The following UPF1 variants were observed in gnomAD, a reference collection of about 807,000 sequenced individuals.
UPF1 encodes the protein regulator of nonsense transcripts 1.
A neutral mutation model predicts 129.2 loss-of-function variants in UPF1; 9 were observed. That is an observed-to-expected ratio of 0.07 (90% confidence interval 0.04 to 0.12). The LOEUF is 0.12. UPF1 is among the 10% of genes least tolerant of loss of function. UPF1 has a pLI of 1.00. For synonymous variants in UPF1, 649 were observed against 644.9 expected (o/e 1.01, Z -0.10); for missense variants, 788 against 1,525.3 (o/e 0.52, Z 8.05).
rs2055663113 is a variant in UPF1, at chr19:18,851,951, T to C, written c.811-184T>C. 6.6e-6 allele frequency among the ~76,000 whole-genome samples: 1 copy of C among 152,190 alleles called. No homozygotes were observed. Among genetic ancestry groups the C allele is most frequent in the Admixed American group, 6.5e-5 (1 of 15,286 alleles). On this transcript the variant is annotated intron_variant, in intron 5 of 23. Coordinates refer to ENST00000262803, the MANE Select transcript of UPF1 (RefSeq NM_002911.4). This position sits in a 1 kb window ranked among gnomAD's most constrained non-coding sequence, Gnocchi z 4.2. ...CCGGTGTGCAGCTCCCTGTGTGGCATGGAGTTCCCGTTCCCAGGGTTCTCC... is the reference window on the plus strand; with the variant it reads ...CCGGTGTGCAGCTCCCTGTGTGGCACGGAGTTCCCGTTCCCAGGGTTCTCC...
At position 18,867,219 on chromosome 19, in the gene UPF1, G is replaced by C. The variant is rs575481607; in HGVS notation, c.*702G>C. ...CTACTGGAGAAGAGGAGCAACACCT[G>C]TGCCGCGGCCGGAGGAGTTTTGTTG... On this transcript the variant is annotated 3_prime_UTR_variant, in exon 24 of 24. Coordinates refer to ENST00000262803, the MANE Select transcript of UPF1 (RefSeq NM_002911.4). The C allele has an allele frequency of 2.0e-5, 3 of 152,480 alleles. No homozygotes were observed. In the East Asian group the frequency reaches 5.8e-4, roughly 29 times the overall value. The allele number at this position is 152,480 out of a possible 1,614,324, so 9.4% of individuals were successfully genotyped here.
Position 18,862,000 on chromosome 19 carries a change from T to C in UPF1, c.2458-10T>C, listed in dbSNP as rs760721477. 3 of 1,613,460 alleles carry C rather than the reference T, an allele frequency of 1.9e-6. No individual in the cohort carries two copies. Among genetic ancestry groups the C allele is most frequent in the Non-Finnish European group, 2.5e-6 (3 of 1,179,896 alleles). On this transcript the variant is annotated splice_polypyrimidine_tract_variant and intron_variant, in intron 17 of 23. Coordinates refer to ENST00000262803, the MANE Select transcript of UPF1 (RefSeq NM_002911.4). ...TGCTGGCTGATAGTGACCACAAAGC[T>C]CCCTTCCAGGAGGTGGAGATCGCCA...
chr19:18,847,610 T>C, intron 2 of UPF1, 134 bp from the exon 3 acceptor site: 1 of 763,974 alleles, frequency 1.3e-6, no homozygotes, highest in Non-Finnish European at 2.2e-6. Flanking sequence ...ATTTGGTTAC[T>C]GGGATTGTTG....
chr19:18,849,487 G>C (rs10414336), intron 3 of UPF1: 2 of 157,382 alleles, frequency 1.3e-5, no homozygotes, highest in African/African-American at 4.8e-5. Flanking sequence ...GGAAGGAGCC[G>C]AGCCAGCCAG....
intron 6 of UPF1, 79 bp from the exon 7 acceptor site, chr19:18,852,908 A>G (rs2055676145): frequency 1.6e-6 from 2 of 1,226,084 alleles, no homozygotes; most frequent in Non-Finnish European, 1.2e-6. Context: ...GGCCCGCCTC[A>G]TGGGGCCTCG....
At chr19:18,837,415 T>C (rs998222623) in intron 1 of UPF1, among the ~76,000 whole-genome samples, 5 of 152,210 alleles carry the variant, frequency 3.3e-5, no homozygotes, top group Admixed American at 1.3e-4. Flanking sequence ...TCTCATGCCA[T>C]ACACCTACCT....
chr19:18,832,045 ACT>A lies in UPF1; in HGVS notation c.-164_-163del. 1 of 530,028 alleles carries A rather than the reference ACT, an allele frequency of 1.9e-6. No homozygotes were observed. Among genetic ancestry groups the A allele is most frequent in the Non-Finnish European group, 2.8e-6 (1 of 352,498 alleles). The allele number at this position is 530,028 out of a possible 1,614,324, so 32.8% of individuals were successfully genotyped here. The stretch of plus-strand genomic sequence containing the variant: ...TCGGCGGCAGCGGCGGCGGCTCGGC[ACT>A]GTTACCTCTCGGTCCGGCTGGCGCC... On this transcript the variant is annotated 5_prime_UTR_variant, in exon 1 of 24. Transcript: ENST00000262803. The surrounding 1 kb of genome is among the most constrained non-coding windows in gnomAD (Gnocchi z 5.6).
chr19:18,855,585 C>T lies in UPF1; in HGVS notation c.1545-340C>T, dbSNP rs74476763. The T allele has an allele frequency of 6.5e-4, 325 of 499,686 alleles. 5 individuals carry two copies. The East Asian group carries it at 0.012, about 18-fold the overall frequency. 31.0% of individuals were successfully genotyped at this position (499,686 alleles called of 1,614,324 possible). ...GGTGGGTAGAGCTGTGAAGCCTGGG[C>T]TGTCTGGATCTGAGCTCCTTCGGCA... On this transcript the variant is annotated intron_variant, in intron 11 of 23. Coordinates refer to ENST00000262803, the MANE Select transcript of UPF1 (RefSeq NM_002911.4).
At chr19:18,859,180 G>C (rs2055750086) in intron 15 of UPF1, among the ~76,000 whole-genome samples, 1 of 152,212 alleles carries the variant, frequency 6.6e-6, no homozygotes, top group Non-Finnish European at 1.5e-5. Context: ...AGCACTGGCT[G>C]GGAAAGGCGT....
chr19:18,853,368 A>G lies in UPF1; in HGVS notation c.1156+18A>G, dbSNP rs1353168737. ...CCCTGATAGTATCCTTCATGTGAAG[A>G]GGGTGTGGCCGGCTGGTGGGAGAGG... On this transcript the variant is annotated intron_variant, in intron 8 of 23. Coordinates refer to ENST00000262803, the MANE Select transcript of UPF1 (RefSeq NM_002911.4). This position sits in a 1 kb window ranked among gnomAD's most constrained non-coding sequence, Gnocchi z 4.4. The G allele has an allele frequency of 5.1e-6, 8 of 1,583,950 alleles. No individual in the cohort carries two copies. The South Asian group carries it at 9.2e-5, about 18-fold the overall frequency.
intron 1 of UPF1, among the ~76,000 whole-genome samples, chr19:18,840,343 G>A (rs1284853030): frequency 2.0e-5 from 3 of 152,328 alleles, no homozygotes; most frequent in Non-Finnish European, 2.9e-5. Context: ...AGCAGCTCCA[G>A]CTCCTGCCTG....
Position 18,850,008 on chromosome 19 carries a change from C to A in UPF1, c.462-67C>A. The A allele has an allele frequency of 6.3e-7, 1 of 1,594,954 alleles. No homozygotes were observed. Among genetic ancestry groups the A allele is most frequent in the Non-Finnish European group, 8.6e-7 (1 of 1,166,342 alleles). On this transcript the variant is annotated intron_variant, in intron 3 of 23. Coordinates refer to ENST00000262803, the MANE Select transcript of UPF1 (RefSeq NM_002911.4). This position sits in a 1 kb window ranked among gnomAD's most constrained non-coding sequence, Gnocchi z 7.1. ...ACGGTACCGGAACTTTTAACAGGGG[C>A]CCGAAAATTGGAAGTGGTGAAAAGC...
chr19:18,836,749 A>ATTT (rs755282469), intron 1 of UPF1, among the ~76,000 whole-genome samples: 9 of 129,476 alleles, frequency 7.0e-5, no homozygotes, highest in Non-Finnish European at 5.0e-5. Flanking sequence ...CTATCCACCC[A>ATTT]TTTTTTTTTT....
rs777736313 is a variant in UPF1, at chr19:18,855,241, G to A, written c.1543G>A (p.Gly515Arg). ...CTACCACCTGGCCCGGCAAGGCAAC[G>A]GGTAGGGCTGACACGGCCCTTGCGG... ...IVYHLARQGN[G>R]PVLVCAPSNI... is the part of the protein sequence containing the mutation. The change falls in exon 11 of 24, where the codon GGG becomes AGG. Residue 515 changes from glycine (G) to arginine (R), a missense_variant and splice_region_variant. Transcript: ENST00000262803. The A allele has an allele frequency of 5.6e-6, 9 of 1,609,930 alleles. No homozygotes were observed. The highest frequency in any genetic ancestry group is 1.3e-5 in the African/African-American group (1 of 74,946).
At chr19:18,835,668 AAT>A (rs1465713763) in intron 1 of UPF1, among the ~76,000 whole-genome samples, 1 of 152,212 alleles carries the variant, frequency 6.6e-6, no homozygotes, top group Non-Finnish European at 1.5e-5. Flanking sequence ...AAGGCTGAGT[AAT>A]ATTCCATGGG....
chr19:18,867,173 AAC>A lies in UPF1; in HGVS notation c.*658_*659del. ...CTGGGAGATTTGAGAAGCTTCCAGA[AAC>A]AGTTTAAACAAGCCAGCGCTACTGG... On this transcript the variant is annotated 3_prime_UTR_variant, in exon 24 of 24. Transcript: ENST00000262803. 1 of 152,568 alleles carries A rather than the reference AAC, an allele frequency of 6.6e-6. No homozygotes were observed. Among genetic ancestry groups the A allele is most frequent in the South Asian group, 2.1e-4 (1 of 4,824 alleles). 9.5% of individuals were successfully genotyped at this position (152,568 alleles called of 1,614,324 possible).
intron 11 of UPF1, chr19:18,855,514 T>A: frequency 1.8e-6 from 1 of 554,318 alleles, no homozygotes. Flanking sequence ...TGCGGCACTT[T>A]ATAGTGTGGC....
At position 18,865,017 on chromosome 19, in the gene UPF1, G is replaced by A. The variant is rs1478252771; in HGVS notation, c.2858-272G>A. ...CCCAGAGTGCTGGGATTATAGGCTT[G>A]AGCCAACACGCCCGGCCCCAATTTT... On this transcript the variant is annotated intron_variant, in intron 20 of 23. Coordinates refer to ENST00000262803, the MANE Select transcript of UPF1 (RefSeq NM_002911.4). The surrounding 1 kb of genome is among the most constrained non-coding windows in gnomAD (Gnocchi z 6.1). Among the ~76,000 whole-genome samples, 1 of 152,226 alleles carries A rather than the reference G, an allele frequency of 6.6e-6. No individual in the cohort carries two copies. The highest frequency in any genetic ancestry group is 2.4e-5 in the African/African-American group (1 of 41,470).
intron 19 of UPF1, 79 bp from the exon 20 acceptor site, chr19:18,864,091 C>T: frequency 7.6e-7 from 1 of 1,315,438 alleles, no homozygotes; most frequent in Non-Finnish European, 1.1e-6. Context: ...ATACCTGCCA[C>T]CTCCCAGGCC....
Sources: gnomAD v4.1 joint callset for allele counts (sites outside exome capture counted in the v4.1 genomes callset) on GRCh38, gnomAD v4.1.1 for gene constraint, Gnocchi (gnomAD v3.1) non-coding constraint, MANE v1.5 for transcripts, NCBI Gene and HGNC (gene_info 2026-07-23, HGNC 2026-07-21) for gene names.